Variants in SNX8 observed in about 807,000 individuals in gnomAD.
The protein encoded by SNX8 is sorting nexin-8.
SNX8 carries 25 observed loss-of-function variants against 51.6 expected under a neutral mutation model. That is an observed-to-expected ratio of 0.48 (90% confidence interval 0.35 to 0.68). SNX8 has a LOEUF of 0.68. SNX8 is among the 30% of genes least tolerant of loss of function. The pLI, the probability that SNX8 is intolerant of heterozygous loss-of-function variation, is 0.00. For missense variants in SNX8, 695 were observed against 624.0 expected, an observed-to-expected ratio of 1.11 and a Z score of -1.21; for synonymous variants, 324 against 277.0, an observed-to-expected ratio of 1.17 and a Z score of -1.68.
At chr7:2,295,661 C>G (rs1245591396) in intron 1 of SNX8, among the ~76,000 whole-genome samples, 1 of 143,068 alleles carries the variant, frequency 7.0e-6, no homozygotes, top group African/African-American at 2.6e-5. Context: ...GGCATAAATT[C>G]TTTGCCTTGG....
At chr7:2,306,848 T>G (rs953718426) in intron 1 of SNX8, among the ~76,000 whole-genome samples, 10 of 152,184 alleles carry the variant, frequency 6.6e-5, no homozygotes, top group Non-Finnish European at 1.5e-5. Context: ...GACAACTCAC[T>G]CATCAGGCTC....
At chr7:2,256,837 C>T (rs748114785) in intron 10 of SNX8, 37 bp downstream of exon 10, 10 of 1,588,502 alleles carry the variant, frequency 6.3e-6, no homozygotes, top group Admixed American at 3.4e-5. Context: ...AAAGAAAGGC[C>T]GTGGCCGAGA....
chr7:2,274,420 A>T (rs1388293478), intron 3 of SNX8, among the ~76,000 whole-genome samples: 2 of 152,250 alleles, frequency 1.3e-5, no homozygotes, highest in Non-Finnish European at 2.9e-5. Flanking sequence ...TTTCCCCAGC[A>T]TGTTTTATTC....
Position 2,275,096 on chromosome 7 carries a change from G to C in SNX8, c.418+16C>G, listed in dbSNP as rs748398017. 2 of 1,567,696 alleles carry C rather than the reference G, an allele frequency of 1.3e-6. No homozygotes were observed. The highest frequency in any genetic ancestry group is 1.8e-6 in the Non-Finnish European group (2 of 1,137,684). On this transcript the variant is annotated intron_variant, in intron 3 of 10. Coordinates refer to ENST00000222990, the MANE Select transcript of SNX8 (RefSeq NM_013321.4). ...TCGCTCCCTCCGCCCCCGGTGGGCA[G>C]CACGCCTGGCTTTACCTCCCAGCAT...
At chr7:2,282,465 C>A (rs1187563607) in intron 1 of SNX8, among the ~76,000 whole-genome samples, 1 of 152,224 alleles carries the variant, frequency 6.6e-6, no homozygotes, top group Non-Finnish European at 1.5e-5. Context: ...AACCCACAAG[C>A]AACATTCAAG....
intron 3 of SNX8, among the ~76,000 whole-genome samples, chr7:2,272,571 T>G (rs780285150): frequency 4.6e-5 from 7 of 152,058 alleles, no homozygotes; most frequent in Non-Finnish European, 8.8e-5. Flanking sequence ...AGATGGGGTT[T>G]CACCATGTTG....
intron 7 of SNX8, among the ~76,000 whole-genome samples, chr7:2,261,289 C>T (rs1354625941): frequency 1.3e-5 from 2 of 152,072 alleles, no homozygotes; most frequent in African/African-American, 2.4e-5. Flanking sequence ...AAAAATTAGC[C>T]GGGTGTGGTG....
At chr7:2,334,790 T>G (rs1778794941) in intron 1 of SNX8, among the ~76,000 whole-genome samples, 1 of 131,866 alleles carries the variant, frequency 7.6e-6, no homozygotes, top group Admixed American at 8.7e-5. Context: ...GATCACCTGA[T>G]CCCAGAAGTT....
intron 7 of SNX8, among the ~76,000 whole-genome samples, chr7:2,258,368 C>T (rs1203923888): frequency 6.6e-6 from 1 of 152,174 alleles, no homozygotes; most frequent in Non-Finnish European, 1.5e-5. Flanking sequence ...GACAGCTGCC[C>T]GCCCTCCTGC....
At position 2,257,526 on chromosome 7, in the gene SNX8, G is replaced by A. The variant is rs780548820; in HGVS notation, c.985-12C>T. 1.9e-6 allele frequency: 3 copies of A among 1,601,062 alleles called. No homozygotes were observed. Among genetic ancestry groups the A allele is most frequent in the Admixed American group, 1.7e-5 (1 of 59,238 alleles). ...CGCTCGCACAGGTCCTGCGGGGCCG[G>A]GGGAGGCATTCGCCCGCTGTCTGGA... On this transcript the variant is annotated splice_polypyrimidine_tract_variant and intron_variant, in intron 8 of 10. Coordinates refer to ENST00000222990, the MANE Select transcript of SNX8 (RefSeq NM_013321.4).
intron 1 of SNX8, among the ~76,000 whole-genome samples, chr7:2,292,843 G>A (rs993313689): frequency 6.6e-6 from 1 of 151,952 alleles, no homozygotes; most frequent in Non-Finnish European, 1.5e-5. Flanking sequence ...AACGCGGCAA[G>A]ATCCTGCCTC....
rs1399535856 is a variant in SNX8, at chr7:2,257,740, A to G, written c.979T>C (p.Tyr327His). 3 of 1,613,620 alleles carry G rather than the reference A, an allele frequency of 1.9e-6. No homozygotes were observed. In the African/African-American group the frequency reaches 4.0e-5, roughly 22 times the overall value. Reference protein sequence around the residue: ...LNLFLDLLQSYKDLCERHEKG... With the variant: ...LNLFLDLLQSHKDLCERHEKG... ...AAGGAGCAGCCAAGACTCACCTTAT[A>G]GGACTGCAGCAGATCCAAGAAGAGG... Residue 327 changes from tyrosine (Y) to histidine (H), a missense_variant, in exon 8 of 11, where the codon TAT becomes CAT. By Grantham distance (83) the Tyr-to-His change is moderately conservative. Transcript: ENST00000222990.
At chr7:2,336,016 T>C (rs147866591) in intron 1 of SNX8, among the ~76,000 whole-genome samples, 14 of 151,058 alleles carry the variant, frequency 9.3e-5, no homozygotes, top group African/African-American at 3.2e-4. Flanking sequence ...GACAGGAGAA[T>C]TGTTTGAACC....
chr7:2,307,077 A>C (rs1289620434), intron 1 of SNX8, among the ~76,000 whole-genome samples: 1 of 152,120 alleles, frequency 6.6e-6, no homozygotes, highest in Non-Finnish European at 1.5e-5. Context: ...CCTGCTACAC[A>C]CAACAGAAAC....
At chr7:2,317,830 G>A (rs1796780731), upstream of SNX8, among the ~76,000 whole-genome samples, 1 of 152,110 alleles carries the variant, frequency 6.6e-6, no homozygotes, top group Non-Finnish European at 1.5e-5. Flanking sequence ...GGGAGGCCAA[G>A]GTTGCAGTGA....
chr7:2,347,439 C>T (rs1583129813), intron 1 of SNX8, among the ~76,000 whole-genome samples: 1 of 145,798 alleles, frequency 6.9e-6, no homozygotes, highest in African/African-American at 2.5e-5. Context: ...CAAGATAGCA[C>T]CACTGCACTC....
chr7:2,333,937 G>A (rs1022130854), intron 1 of SNX8, among the ~76,000 whole-genome samples: 1 of 151,950 alleles, frequency 6.6e-6, no homozygotes, highest in African/African-American at 2.4e-5. Context: ...GGGAGTATGA[G>A]ACCAGTCTGG....
At chr7:2,286,238 C>T (rs1796025552) in intron 1 of SNX8, among the ~76,000 whole-genome samples, 1 of 151,928 alleles carries the variant, frequency 6.6e-6, no homozygotes, top group Admixed American at 6.6e-5. Context: ...TCTTGAACTC[C>T]TGAACTCAGG....
At chr7:2,329,686 A>T (rs552303907) in intron 1 of SNX8, among the ~76,000 whole-genome samples, 86 of 152,272 alleles carry the variant, frequency 5.6e-4, no homozygotes, top group Non-Finnish European at 1.0e-3. Flanking sequence ...CTCCATAAAA[A>T]TCCAAGAGGA....
Sources: allele counts gnomAD v4.1 joint callset (sites outside exome capture counted in the v4.1 genomes callset), GRCh38; gene constraint gnomAD v4.1.1; transcripts MANE v1.5; gene names NCBI Gene and HGNC (gene_info 2026-07-23, HGNC 2026-07-21).